Variants in HYAL4 observed in about 807,000 individuals in gnomAD.
The protein encoded by HYAL4 is hyaluronidase 4.
In HYAL4, 37 loss-of-function variants were observed where a neutral mutation model predicts 35.2. That is an observed-to-expected ratio of 1.05 (90% CI 0.81 to 1.38). The LOEUF is 1.38. Among genes scored for constraint, HYAL4 ranks in the 40% most tolerant of loss-of-function variants. The pLI is 0.00. For synonymous variants in HYAL4, 198 were observed against 203.2 expected (o/e 0.97, Z 0.22); for missense variants, 572 against 572.4 (o/e 1.00, Z 0.01).
chr7:123,822,209 G>A, the HYAL4 span, among the ~76,000 whole-genome samples: 1 of 152,088 alleles, frequency 6.6e-6, no homozygotes, highest in South Asian at 2.1e-4. Flanking sequence ...GATGGGGATA[G>A]CATCAAGCCT....
the HYAL4 span, among the ~76,000 whole-genome samples, chr7:123,779,983 C>G: frequency 2.6e-5 from 4 of 152,128 alleles, no homozygotes; most frequent in Non-Finnish European, 4.4e-5. Context: ...TTGGAATTAG[C>G]TGTAATACAG....
In HYAL4 at chr7:123,877,479, G is replaced by C; in HGVS notation, c.*324G>C. 5.3e-6 allele frequency: 1 copy of C among 190,408 alleles called. No homozygotes were observed. Among genetic ancestry groups the C allele is most frequent in the East Asian group, 1.3e-4 (1 of 7,640 alleles). The allele number at this position is 190,408 out of a possible 1,614,324, so 11.8% of individuals were successfully genotyped here. On this transcript the variant is annotated 3_prime_UTR_variant, in exon 5 of 5. Coordinates refer to ENST00000223026, the MANE Select transcript of HYAL4 (RefSeq NM_012269.3). ...AAAATATTAAATTATTCATTTCAAA[G>C]ACTGTTTTTTCAAGTTGGCAATTTA... is the stretch of plus-strand genomic sequence containing the variant.
intron 2 of HYAL4, among the ~76,000 whole-genome samples, chr7:123,852,896 G>A (rs775512895): frequency 1.3e-5 from 2 of 151,972 alleles, no homozygotes; most frequent in Non-Finnish European, 2.9e-5. Context: ...ATTTGTTTGT[G>A]TCCTCCCTTA....
chr7:123,768,521 G>A, the HYAL4 span, among the ~76,000 whole-genome samples: 3 of 152,052 alleles, frequency 2.0e-5, no homozygotes, highest in African/African-American at 4.8e-5. Flanking sequence ...TCAGAGACTC[G>A]GGATGTTTTT....
upstream of HYAL4, among the ~76,000 whole-genome samples, chr7:123,825,401 A>C (rs1805790864): frequency 6.6e-6 from 1 of 152,120 alleles, no homozygotes; most frequent in Non-Finnish European, 1.5e-5. Context: ...GAGGCTGACA[A>C]ATCCAACTCT....
chr7:123,765,054 G>A, the HYAL4 span, among the ~76,000 whole-genome samples: 18,656 of 152,116 alleles, frequency 0.12, 1,318 homozygotes, highest in Admixed American at 0.19. Context: ...CATTAAGTAC[G>A]TAACAGCTAC....
the HYAL4 span, among the ~76,000 whole-genome samples, chr7:123,820,712 C>G: frequency 6.6e-6 from 1 of 152,082 alleles, no homozygotes; most frequent in Non-Finnish European, 1.5e-5. Context: ...GGAGATCTCT[C>G]GAACTTGTTT....
chr7:123,822,684 T>A, the HYAL4 span, among the ~76,000 whole-genome samples: 1 of 152,218 alleles, frequency 6.6e-6, no homozygotes, highest in Non-Finnish European at 1.5e-5. Flanking sequence ...GTTGGCTGGA[T>A]GAGATGGCTC....
chr7:123,862,543 A>G (rs1026246982), intron 2 of HYAL4, among the ~76,000 whole-genome samples: 2 of 152,148 alleles, frequency 1.3e-5, no homozygotes, highest in Admixed American at 6.5e-5. Flanking sequence ...CATGCTGTGT[A>G]AAGTTAAAAA....
the HYAL4 span, among the ~76,000 whole-genome samples, chr7:123,801,112 C>T: frequency 5.3e-5 from 8 of 152,016 alleles, no homozygotes; most frequent in Non-Finnish European, 7.4e-5. Context: ...CGCAGGAGTT[C>T]GACACCCACC....
intron 2 of HYAL4, among the ~76,000 whole-genome samples, chr7:123,849,175 T>TGTA (rs1806240770): frequency 6.6e-6 from 1 of 152,172 alleles, no homozygotes; most frequent in African/African-American, 2.4e-5. Context: ...TGTGACTGTA[T>TGTA]GTATGTATAT....
chr7:123,834,608 A>T (rs922392627), intron 1 of HYAL4, among the ~76,000 whole-genome samples: 3 of 152,144 alleles, frequency 2.0e-5, no homozygotes, highest in Admixed American at 1.3e-4. Flanking sequence ...TAAGACTTCC[A>T]GTACTATGTT....
chr7:123,809,090 A>G, the HYAL4 span, among the ~76,000 whole-genome samples: 1 of 152,200 alleles, frequency 6.6e-6, no homozygotes, highest in Non-Finnish European at 1.5e-5. Flanking sequence ...AATCCATCAG[A>G]ACTCATTCCA....
intron 3 of HYAL4, among the ~76,000 whole-genome samples, chr7:123,869,677 CT>C (rs1223685268): frequency 6.9e-6 from 1 of 145,380 alleles, no homozygotes; most frequent in African/African-American, 2.5e-5. Context: ...GTATTTTAAT[CT>C]TTGTTTTGTT....
chr7:123,850,450 A>C (rs1214583118), intron 2 of HYAL4, among the ~76,000 whole-genome samples: 3 of 152,088 alleles, frequency 2.0e-5, no homozygotes, highest in African/African-American at 7.2e-5. Flanking sequence ...CATGTTGCTC[A>C]AGCTGGTCTC....
At chr7:123,876,032 T>C (rs1355757898) in intron 4 of HYAL4, 1 of 456,716 alleles carries the variant, frequency 2.2e-6, no homozygotes, top group South Asian at 1.5e-5. Context: ...CCAGGTGTGA[T>C]ATTTCCACCC....
the HYAL4 span, among the ~76,000 whole-genome samples, chr7:123,777,980 CTG>C: frequency 1.8e-4 from 27 of 150,862 alleles, no homozygotes. Flanking sequence ...GAAATATTAA[CTG>C]AAGTTCTAAA....
chr7:123,824,267 G>A (rs547771127), upstream of HYAL4, among the ~76,000 whole-genome samples: 21 of 152,182 alleles, frequency 1.4e-4, no homozygotes, highest in East Asian at 3.7e-3. Flanking sequence ...ATGGCAGATG[G>A]CAAGTGCCAT....
intron 2 of HYAL4, among the ~76,000 whole-genome samples, chr7:123,854,765 C>T (rs1806392592): frequency 6.6e-6 from 1 of 152,110 alleles, no homozygotes; most frequent in South Asian, 2.1e-4. Flanking sequence ...AGTTTAAGTC[C>T]AGAATATCCT....
Sources: allele counts gnomAD v4.1 joint callset (sites outside exome capture counted in the v4.1 genomes callset), GRCh38; gene constraint gnomAD v4.1.1; transcripts MANE v1.5; gene names NCBI Gene and HGNC (gene_info 2026-07-23, HGNC 2026-07-21).